NUP93: variants seen among roughly 807,000 people sequenced by gnomAD.
NUP93 encodes nucleoporin 93.
Under a neutral mutation model 107.8 loss-of-function variants are expected in NUP93, and 55 were observed. The ratio of observed to expected loss-of-function variants is 0.51; its 90% CI spans 0.41 to 0.64. The LOEUF is 0.64. Among genes scored for constraint, NUP93 ranks in the 30% least tolerant of loss-of-function variants. NUP93 has a pLI of 0.00. For synonymous variants in NUP93, 390 were observed against 397.5 expected, an observed-to-expected ratio of 0.98 and a Z score of 0.22; for missense variants, 937 against 1,044.7, an observed-to-expected ratio of 0.90 and a Z score of 1.42.
intron 5 of NUP93, among the ~76,000 whole-genome samples, chr16:56,810,004 G>T (rs769693490): frequency 4.6e-5 from 7 of 152,294 alleles, no homozygotes; most frequent in African/African-American, 1.7e-4. Context: ...GGTGTTAATA[G>T]GTTGTGTTCT....
chr16:56,821,628 G>A (rs767034423), intron 7 of NUP93, 35 bp downstream of exon 7: 4 of 1,475,618 alleles, frequency 2.7e-6, no homozygotes, highest in East Asian at 4.5e-5. Context: ...AGAAACCGGG[G>A]TCCAGTGTTC....
chr16:56,810,673 A>G (rs990378445), intron 5 of NUP93, among the ~76,000 whole-genome samples: 2 of 152,182 alleles, frequency 1.3e-5, no homozygotes, highest in Non-Finnish European at 2.9e-5. Flanking sequence ...TAAAAAGTGT[A>G]CAACTCAATG....
intron 4 of NUP93, among the ~76,000 whole-genome samples, chr16:56,802,110 A>G (rs1224736231): frequency 6.6e-6 from 1 of 151,656 alleles, no homozygotes; most frequent in Non-Finnish European, 1.5e-5. Context: ...TAGCGTATCA[A>G]CCTCCCCCTG....
At chr16:56,787,861 C>G (rs1458582047) in intron 3 of NUP93, among the ~76,000 whole-genome samples, 1 of 152,114 alleles carries the variant, frequency 6.6e-6, no homozygotes, top group African/African-American at 2.4e-5. Flanking sequence ...TCTTCCTTAT[C>G]TTATCTTGCC....
At chr16:56,801,787 A>G (rs1963026113) in intron 4 of NUP93, among the ~76,000 whole-genome samples, 1 of 152,218 alleles carries the variant, frequency 6.6e-6, no homozygotes, top group African/African-American at 2.4e-5. Context: ...GATATATCTG[A>G]GGATTTGAAC....
intron 1 of NUP93, among the ~76,000 whole-genome samples, chr16:56,746,942 T>C (rs1363133506): frequency 6.6e-6 from 1 of 152,094 alleles, no homozygotes; most frequent in Non-Finnish European, 1.5e-5. Context: ...ACAAGAGCTA[T>C]TGTACAAGTA....
intron 8 of NUP93, among the ~76,000 whole-genome samples, chr16:56,827,327 T>C (rs557573027): frequency 6.6e-6 from 1 of 151,998 alleles, no homozygotes; most frequent in African/African-American, 2.4e-5. Context: ...GGAGAGGGAA[T>C]GGTAGAAAAA....
In NUP93 at chr16:56,764,663, G is replaced by A. The variant is rs117491002; in HGVS notation, c.297+6008G>A. Among the ~76,000 whole-genome samples the A allele has an allele frequency of 3.5e-3, 538 of 152,340 alleles. 1 individual carries two copies. Among genetic ancestry groups the A allele is most frequent in the Non-Finnish European group, 5.9e-3 (400 of 68,040 alleles). ...AATTGGATGTTTGTAGTACTGGCAA[G>A]TAGTTGGTTGGGAACAGGTTGCGGA... is the stretch of plus-strand genomic sequence containing the variant. On this transcript the variant is annotated intron_variant, in intron 3 of 21. Coordinates refer to ENST00000308159, the MANE Select transcript of NUP93 (RefSeq NM_014669.5).
chr16:56,802,701 CA>C, intron 4 of NUP93, among the ~76,000 whole-genome samples: 1 of 152,216 alleles, frequency 6.6e-6, no homozygotes, highest in Non-Finnish European at 1.5e-5. Context: ...AACAGTTCCC[CA>C]AAGCTCATGC....
At chr16:56,754,268 G>A (rs1157307033) in intron 2 of NUP93, among the ~76,000 whole-genome samples, 2 of 152,118 alleles carry the variant, frequency 1.3e-5, no homozygotes, top group African/African-American at 4.8e-5. Flanking sequence ...GAGGATTACA[G>A]TTCGACATGA....
chr16:56,735,267 A>G (rs559509085), intron 1 of NUP93, among the ~76,000 whole-genome samples: 2 of 152,326 alleles, frequency 1.3e-5, no homozygotes, highest in South Asian at 2.1e-4. Flanking sequence ...TTCACAGATG[A>G]GGCCCAGAGA....
intron 4 of NUP93, among the ~76,000 whole-genome samples, chr16:56,799,816 A>G: frequency 6.6e-6 from 1 of 152,220 alleles, no homozygotes; most frequent in Non-Finnish European, 1.5e-5. Flanking sequence ...GGCAGCAGGG[A>G]GACTTGCCAG....
At chr16:56,803,235 G>C (rs556423506) in intron 4 of NUP93, among the ~76,000 whole-genome samples, 74 of 152,270 alleles carry the variant, frequency 4.9e-4, no homozygotes, top group Admixed American at 2.0e-3. Flanking sequence ...AAGGCGGTCG[G>C]ATCACTTGAG....
chr16:56,806,453 G>T (rs1449914660), intron 5 of NUP93, among the ~76,000 whole-genome samples: 1 of 152,024 alleles, frequency 6.6e-6, no homozygotes, highest in Admixed American at 6.5e-5. Context: ...AACCTTGTTT[G>T]TTGAAAACAA....
At chr16:56,840,256 G>A (rs1175145505) in intron 20 of NUP93, among the ~76,000 whole-genome samples, 3 of 152,140 alleles carry the variant, frequency 2.0e-5, no homozygotes, top group Admixed American at 1.3e-4. Context: ...TTCTGACCTC[G>A]TGATCTGCCC....
Position 56,798,552 on chromosome 16 carries a change from C to A in NUP93, c.360+14C>A. The A allele has an allele frequency of 6.2e-7, 1 of 1,610,216 alleles. No individual in the cohort carries two copies. The highest frequency in any genetic ancestry group is 8.5e-7 in the Non-Finnish European group (1 of 1,176,576). On this transcript the variant is annotated intron_variant, in intron 4 of 21. Coordinates refer to ENST00000308159, the MANE Select transcript of NUP93 (RefSeq NM_014669.5). ...TCCCGGAAGAGGGTAAGAAAATTAA[C>A]CAAAATGTAGATGTATACAGATGAG...
chr16:56,819,252 A>T (rs1963496082), intron 6 of NUP93, among the ~76,000 whole-genome samples: 1 of 152,194 alleles, frequency 6.6e-6, no homozygotes, highest in Non-Finnish European at 1.5e-5. Context: ...AATAGTATGG[A>T]TATGGACTGA....
chr16:56,803,641 T>C (rs1049456627), intron 4 of NUP93, among the ~76,000 whole-genome samples: 3 of 152,000 alleles, frequency 2.0e-5, no homozygotes, highest in Non-Finnish European at 2.9e-5. Flanking sequence ...AATAAACACA[T>C]GGAAAGATGC....
chr16:56,762,202 C>G (rs1388631162), intron 3 of NUP93, among the ~76,000 whole-genome samples: 1 of 152,132 alleles, frequency 6.6e-6, no homozygotes, highest in Non-Finnish European at 1.5e-5. Flanking sequence ...TATTGCACAT[C>G]TTTACTGTGG....
Sources: gnomAD v4.1 joint callset for allele counts (sites outside exome capture counted in the v4.1 genomes callset) on GRCh38, gnomAD v4.1.1 for gene constraint, MANE v1.5 for transcripts, NCBI Gene and HGNC (gene_info 2026-07-23, HGNC 2026-07-21) for gene names.